Variants in NFIA observed in about 807,000 individuals in gnomAD.
The protein encoded by NFIA is nuclear factor I A.
Under a neutral mutation model 62.8 loss-of-function variants are expected in NFIA, and 8 were observed. The ratio of observed to expected loss-of-function variants is 0.13; its 90% confidence interval spans 0.07 to 0.23. The LOEUF (loss-of-function observed/expected upper bound fraction) is 0.23, where lower values mean the gene tolerates loss of function less well. Ranked by LOEUF, NFIA falls within the 10% of genes least tolerant of loss-of-function variation. NFIA has a pLI of 1.00. For missense variants in NFIA, 410 were observed against 642.1 expected, an observed-to-expected ratio of 0.64 and a Z score of 3.91; for synonymous variants, 235 against 238.1, an observed-to-expected ratio of 0.99 and a Z score of 0.12.
At chr1:61,225,553 CTTTT>C (rs71244590) in intron 2 of NFIA, among the ~76,000 whole-genome samples, 1 of 122,584 alleles carries the variant, frequency 8.2e-6, no homozygotes, top group Non-Finnish European at 1.7e-5. Flanking sequence ...CCAGCTCGTA[CTTTT>C]TTTTTTTTTT....
At chr1:61,172,767 T>C (rs1325977663) in intron 2 of NFIA, among the ~76,000 whole-genome samples, 3 of 152,234 alleles carry the variant, frequency 2.0e-5, no homozygotes, top group Non-Finnish European at 2.9e-5. Flanking sequence ...ACAAACAGTG[T>C]CCTTTCATGG....
chr1:61,129,574 C>T (rs977336170), intron 2 of NFIA, among the ~76,000 whole-genome samples: 3 of 151,350 alleles, frequency 2.0e-5, no homozygotes, highest in African/African-American at 7.3e-5. Flanking sequence ...CTCAGCCTCC[C>T]GAGTAGCTGG....
chr1:61,452,319 C>T (rs1668094169), intron 10 of NFIA, among the ~76,000 whole-genome samples: 1 of 151,878 alleles, frequency 6.6e-6, no homozygotes, highest in Non-Finnish European at 1.5e-5. Flanking sequence ...ATGATTTAAT[C>T]AGAGACTTCA....
At chr1:61,164,030 G>A (rs1451304283) in intron 2 of NFIA, among the ~76,000 whole-genome samples, 1 of 152,192 alleles carries the variant, frequency 6.6e-6, no homozygotes, top group Non-Finnish European at 1.5e-5. Context: ...AATTGCAGCT[G>A]TATCTTGAGA....
At chr1:61,311,764 A>T (rs867638557) in intron 3 of NFIA, among the ~76,000 whole-genome samples, 1 of 152,212 alleles carries the variant, frequency 6.6e-6, no homozygotes, top group Non-Finnish European at 1.5e-5. Flanking sequence ...ATAATTCACT[A>T]ATCCATTTAG....
At chr1:61,252,265 A>G (rs1438213320) in intron 2 of NFIA, among the ~76,000 whole-genome samples, 1 of 152,156 alleles carries the variant, frequency 6.6e-6, no homozygotes, top group African/African-American at 2.4e-5. Context: ...TTGAATTTTC[A>G]TGGCCAACAG....
intron 2 of NFIA, among the ~76,000 whole-genome samples, chr1:61,118,694 GTGTGTGTGTGTGTGTA>G (rs1456904671): frequency 1.3e-4 from 8 of 63,730 alleles, no homozygotes; most frequent in Non-Finnish European, 2.5e-4. Flanking sequence ...GTGTGTGTGT[GTGTGTGTGTGTGTGTA>G]CCAGAGACTG....
intron 2 of NFIA, among the ~76,000 whole-genome samples, chr1:61,228,010 A>C (rs1654439651): frequency 6.6e-6 from 1 of 152,194 alleles, no homozygotes; most frequent in Non-Finnish European, 1.5e-5. Flanking sequence ...TTCCCGGCTC[A>C]ATGACCACTA....
upstream of NFIA, chr1:61,077,694 GA>G (rs1293940745): frequency 2.3e-6 from 3 of 1,285,094 alleles, no homozygotes; most frequent in African/African-American, 3.0e-5. Flanking sequence ...AACAATGGTA[GA>G]ATGATTTTGT....
intron 2 of NFIA, among the ~76,000 whole-genome samples, chr1:61,271,660 G>A (rs924494604): frequency 2.0e-5 from 3 of 152,170 alleles, no homozygotes; most frequent in African/African-American, 4.8e-5. Flanking sequence ...TAGAGGAGAT[G>A]AGGACCAATG....
intron 2 of NFIA, among the ~76,000 whole-genome samples, chr1:61,240,782 A>G (rs905793876): frequency 1.3e-5 from 2 of 152,122 alleles, no homozygotes; most frequent in African/African-American, 2.4e-5. Flanking sequence ...CAAAATTGTC[A>G]TTTGTATTTC....
intron 2 of NFIA, among the ~76,000 whole-genome samples, chr1:61,222,984 C>CT (rs1267293827): frequency 3.3e-5 from 5 of 151,918 alleles, no homozygotes; most frequent in Non-Finnish European, 7.4e-5. Context: ...ACCAAAATAA[C>CT]TTTTTTTTGT....
chr1:61,282,262 G>T (rs1236794074), intron 3 of NFIA, among the ~76,000 whole-genome samples: 3 of 152,094 alleles, frequency 2.0e-5, no homozygotes, highest in African/African-American at 7.2e-5. Flanking sequence ...TTACCGTAGG[G>T]AATGCAGTTC....
At chr1:61,228,821 C>T (rs1429558740) in intron 2 of NFIA, among the ~76,000 whole-genome samples, 1 of 152,138 alleles carries the variant, frequency 6.6e-6, no homozygotes, top group Non-Finnish European at 1.5e-5. Flanking sequence ...TAGGCAGCCA[C>T]ATTGTATGTC....
chr1:61,329,239 G>A (rs1043936811), intron 3 of NFIA, among the ~76,000 whole-genome samples: 3 of 148,976 alleles, frequency 2.0e-5, no homozygotes, highest in African/African-American at 7.4e-5. Context: ...AGTAGAGATG[G>A]GTTTTACCGT....
chr1:61,268,730 G>C (rs1161287373), intron 2 of NFIA, among the ~76,000 whole-genome samples: 2 of 152,156 alleles, frequency 1.3e-5, no homozygotes, highest in African/African-American at 4.8e-5. Context: ...GAGAGCCTTT[G>C]AAAACAAAGA....
At chr1:61,248,876 C>T (rs1320365134) in intron 2 of NFIA, 2 of 152,196 alleles carry the variant, frequency 1.3e-5, no homozygotes, top group Non-Finnish European at 2.9e-5. Flanking sequence ...TCTGATCTGA[C>T]CTCAGTAATT....
chr1:61,404,966 T>C (rs1217130278), intron 8 of NFIA, among the ~76,000 whole-genome samples: 1 of 152,232 alleles, frequency 6.6e-6, no homozygotes, highest in Non-Finnish European at 1.5e-5. Context: ...TTATTTCAAA[T>C]ATAGGATTAG....
chr1:61,275,882 A>G (rs1294750564), intron 2 of NFIA, among the ~76,000 whole-genome samples: 6 of 152,108 alleles, frequency 3.9e-5, no homozygotes, highest in African/African-American at 1.4e-4. Context: ...TGTGATATAT[A>G]TAATATTAAT....
Sources: allele counts gnomAD v4.1 joint callset (sites outside exome capture counted in the v4.1 genomes callset), GRCh38; gene constraint gnomAD v4.1.1; transcripts MANE v1.5; gene names NCBI Gene and HGNC (gene_info 2026-07-23, HGNC 2026-07-21).